LLGL2: variants seen among roughly 807,000 people sequenced by gnomAD.
LLGL2 encodes LLGL2, scribble cell polarity complex component.
Under a neutral mutation model 123.2 loss-of-function variants are expected in LLGL2, and 81 were observed. The ratio of observed to expected loss-of-function variants is 0.66; its 90% confidence interval spans 0.55 to 0.79. LLGL2 has a LOEUF of 0.79. Among genes scored for constraint, LLGL2 ranks in the 30% least tolerant of loss-of-function variants. The probability of loss-of-function intolerance (pLI) is 0.00; values close to 1 mark genes in which losing one functional copy is unlikely to be tolerated. For synonymous variants in LLGL2, 577 were observed against 594.1 expected, an observed-to-expected ratio of 0.97 and a Z score of 0.42; for missense variants, 1,273 against 1,414.6, an observed-to-expected ratio of 0.90 and a Z score of 1.61.
intron 2 of LLGL2, among the ~76,000 whole-genome samples, chr17:75,547,150 CAA>C (rs2054467014): frequency 6.6e-6 from 1 of 152,230 alleles, no homozygotes; most frequent in Admixed American, 6.5e-5. Context: ...CCCGATGCCT[CAA>C]AGAGAGCAAG....
In LLGL2 at chr17:75,561,792, G is replaced by A. The variant is rs114845805; in HGVS notation, c.531-1224G>A. ...AAAAAATTAGCCTGGCATGGTTGTG[G>A]GTGCCTGTAATCCCTGATACTCGGG... On this transcript the variant is annotated intron_variant, in intron 6 of 25. Coordinates refer to ENST00000392550, the MANE Select transcript of LLGL2 (RefSeq NM_001031803.2). 3.7e-3 allele frequency among the ~76,000 whole-genome samples: 566 copies of A among 151,994 alleles called. 5 individuals carry two copies. The highest frequency in any genetic ancestry group is 0.013 in the African/African-American group (544 of 41,462).
Position 75,558,877 on chromosome 17 carries a change from CCG to C in LLGL2, c.371+252_371+253del, listed in dbSNP as rs2055054746. On this transcript the variant is annotated intron_variant, in intron 5 of 25. Coordinates refer to ENST00000392550, the MANE Select transcript of LLGL2 (RefSeq NM_001031803.2). The surrounding 1 kb of genome is among the most constrained non-coding windows in gnomAD (Gnocchi z 4.0). ...TCCATCCGCACCCCGCCTCCTCCAT[CCG>C]CACCCCACCTCCTCCATCCACACCA... 1.3e-4 allele frequency: 27 copies of C among 211,842 alleles called. 4 individuals are homozygous for C. The highest frequency in any genetic ancestry group is 1.0e-3 in the South Asian group (14 of 13,690). 13.1% of individuals were successfully genotyped at this position (211,842 alleles called of 1,614,324 possible). A position where few individuals can be genotyped will look rare whatever the true frequency, so the allele number is the denominator to read the frequency against.
rs774116055 is a variant in LLGL2 at position 75,568,707 on chromosome 17, T to C, written c.1254+14T>C. ...TTCTCCACCATGGTAGGTCTGGCCC[T>C]GGCCCCAGCCCCAGCCCCACCGCAA... On this transcript the variant is annotated intron_variant, in intron 11 of 25. Coordinates refer to ENST00000392550, the MANE Select transcript of LLGL2 (RefSeq NM_001031803.2). The C allele has an allele frequency of 3.7e-6, 6 of 1,613,722 alleles. No homozygotes were observed. The highest frequency in any genetic ancestry group is 4.2e-6 in the Non-Finnish European group (5 of 1,179,914).
intron 1 of LLGL2, among the ~76,000 whole-genome samples, chr17:75,540,307 G>A (rs139471141): frequency 6.6e-6 from 1 of 152,170 alleles, no homozygotes; most frequent in Non-Finnish European, 1.5e-5. Flanking sequence ...GGTGAGGCCC[G>A]CCAGGTCTAG....
At chr17:75,529,002 C>T (rs1205894464) in intron 1 of LLGL2, among the ~76,000 whole-genome samples, 1 of 148,608 alleles carries the variant, frequency 6.7e-6, no homozygotes, top group Non-Finnish European at 1.5e-5. Flanking sequence ...CTTAAAAATG[C>T]AAAATTAGCC....
intron 1 of LLGL2, among the ~76,000 whole-genome samples, chr17:75,533,078 C>A (rs1457717186): frequency 6.6e-6 from 1 of 151,940 alleles, no homozygotes; most frequent in South Asian, 2.1e-4. Context: ...CGGCTCACTG[C>A]AAGCTCTGCC....
upstream of LLGL2, chr17:75,525,581 C>G (rs902009472): frequency 6.6e-6 from 1 of 150,616 alleles, no homozygotes; most frequent in Admixed American, 6.6e-5. The surrounding 1 kb of genome is among the most constrained non-coding windows in gnomAD (Gnocchi z 4.8). Flanking sequence ...AGCCCCCACC[C>G]CCGAGGGTGC....
rs745709991 is a variant in LLGL2, at chr17:75,564,463, G to A, written c.992G>A (p.Arg331His). The A allele has an allele frequency of 2.1e-5, 34 of 1,613,358 alleles. No individual in the cohort carries two copies. Among genetic ancestry groups the A allele is most frequent in the Admixed American group, 8.3e-5 (5 of 60,002 alleles). Residue 331 changes from arginine (R) to histidine (H), a missense_variant, in exon 10 of 26, where the codon CGT becomes CAT. Physicochemically the swap from Arg to His is conservative, Grantham distance 29 (BLOSUM62 0). Transcript: ENST00000392550. The surrounding 1 kb of genome is among the most constrained non-coding windows in gnomAD (Gnocchi z 4.9). ...GQQTAFDFTSRVIGFTVLTEA... is the reference protein window; with the variant it reads ...GQQTAFDFTSHVIGFTVLTEA... ...CAGACGGCCTTCGACTTCACCTCCC[G>A]TGTCATCGGCTTCACTGTCCTCACA... is the stretch of plus-strand genomic sequence containing the variant.
chr17:75,570,776 C>T (rs774064085), intron 16 of LLGL2, among the ~76,000 whole-genome samples, 174 bp from the exon 17 acceptor site: 1 of 152,224 alleles, frequency 6.6e-6, no homozygotes, highest in Non-Finnish European at 1.5e-5. Flanking sequence ...GGGGCCCAGG[C>T]AGGCTCCCCC....
At chr17:75,525,527 G>C (rs2053525418), upstream of LLGL2, among the ~76,000 whole-genome samples, 1 of 151,204 alleles carries the variant, frequency 6.6e-6, no homozygotes, top group Admixed American at 6.6e-5. This position sits in a 1 kb window ranked among gnomAD's most constrained non-coding sequence, Gnocchi z 4.8. Context: ...CCGTTCGCGA[G>C]GCCCCGCCCC....
Position 75,558,247 on chromosome 17 carries a change from TG to T in LLGL2, c.255+15del. ...CTCCTGCCCGGCCAGGTGAGGGACC[TG>T]GGGTGGGACAGGAAGCCACTTCCAT... is the stretch of plus-strand genomic sequence containing the variant. On this transcript the variant is annotated intron_variant, in intron 4 of 25. Coordinates refer to ENST00000392550, the MANE Select transcript of LLGL2 (RefSeq NM_001031803.2). This position sits in a 1 kb window ranked among gnomAD's most constrained non-coding sequence, Gnocchi z 4.0. The T allele has an allele frequency of 6.2e-7, 1 of 1,608,962 alleles. No homozygotes were observed.
intron 1 of LLGL2, among the ~76,000 whole-genome samples, chr17:75,540,924 G>T (rs1369770988): frequency 2.0e-5 from 3 of 152,196 alleles, no homozygotes; most frequent in African/African-American, 7.2e-5. Context: ...GGATGCTGGG[G>T]TTTAGGGAGG....
chr17:75,570,487 C>T lies in LLGL2; in HGVS notation c.2014C>T (p.Pro672Ser), dbSNP rs746116098. 2 of 1,574,494 alleles carry T rather than the reference C, an allele frequency of 1.3e-6. No homozygotes were observed. The highest frequency in any genetic ancestry group is 8.6e-7 in the Non-Finnish European group (1 of 1,161,254). The stretch of plus-strand genomic sequence containing the variant: ...CAGCCGGAAGCGGCACCCGGCTGGC[C>T]CCCCAGGAGAGGTGAGGCCTGAGGT... The part of the protein sequence containing the change: ...VSSRKRHPAG[P>S]PGEAQEGSAK... Residue 672 changes from proline to serine, a missense_variant, in exon 16 of 26, where the codon CCC becomes TCC. Coordinates refer to ENST00000392550, the MANE Select transcript of LLGL2 (RefSeq NM_001031803.2).
Position 75,563,920 on chromosome 17 carries a change from T to C in LLGL2, c.881+114T>C, listed in dbSNP as rs765585185. The C allele has an allele frequency of 3.8e-6, 4 of 1,043,854 alleles. No individual in the cohort carries two copies. The Admixed American group carries it at 5.5e-5, about 14-fold the overall frequency. The allele number at this position is 1,043,854 out of a possible 1,614,324, so 64.7% of individuals were successfully genotyped here. The stretch of plus-strand genomic sequence containing the variant: ...CCAGTGAACACTCTCAGGTCCCGTG[T>C]TGGGGTCTTGGACACCAGGGAGGGG... On this transcript the variant is annotated intron_variant, in intron 9 of 25. Transcript: ENST00000392550.
intron 6 of LLGL2, among the ~76,000 whole-genome samples, chr17:75,560,914 C>T (rs1489091583): frequency 3.3e-5 from 5 of 151,836 alleles, no homozygotes; most frequent in South Asian, 4.2e-4. Context: ...TCACTGCAAC[C>T]TCTGCTTCCT....
intron 3 of LLGL2, chr17:75,557,789 C>T (rs113998041): frequency 5.6e-6 from 2 of 359,420 alleles, no homozygotes; most frequent in South Asian, 2.1e-5. Flanking sequence ...TGGTGATAGG[C>T]CCCCTGGGGT....
intron 3 of LLGL2, among the ~76,000 whole-genome samples, chr17:75,556,488 A>G (rs757195263): frequency 1.3e-5 from 2 of 152,042 alleles, no homozygotes; most frequent in Non-Finnish European, 2.9e-5. Flanking sequence ...CCTCTCACCT[A>G]TTCCTGGAGG....
intron 2 of LLGL2, among the ~76,000 whole-genome samples, chr17:75,553,187 C>T (rs1024023291): frequency 5.9e-5 from 9 of 152,332 alleles, no homozygotes; most frequent in African/African-American, 1.7e-4. Context: ...CTGCATTTTT[C>T]GCATAGCTGA....
At chr17:75,538,123 C>T (rs62088536) in intron 1 of LLGL2, among the ~76,000 whole-genome samples, 22,847 of 152,062 alleles carry the variant, frequency 0.15, 2,125 homozygotes, top group African/African-American at 0.25. Flanking sequence ...GAAGGGGGGC[C>T]GGGCTGATTG....
Sources: allele counts gnomAD v4.1 joint callset (sites outside exome capture counted in the v4.1 genomes callset), GRCh38; gene constraint gnomAD v4.1.1; non-coding constraint Gnocchi (gnomAD v3.1); transcripts MANE v1.5; gene names NCBI Gene and HGNC (gene_info 2026-07-23, HGNC 2026-07-21).